The following AGBL4 variants were observed in gnomAD, a reference collection of about 807,000 sequenced individuals.
AGBL4 encodes AGBL carboxypeptidase 4.
In AGBL4, 58 loss-of-function variants were observed where a neutral mutation model predicts 66.4. The observed-to-expected ratio is 0.87, with a 90% CI of 0.71 to 1.09. AGBL4 has a LOEUF of 1.09. Ranked by LOEUF, AGBL4 falls within the 50% of genes least tolerant of loss-of-function variation. AGBL4 has a pLI of 0.00. For synonymous variants in AGBL4, 234 were observed against 222.9 expected (o/e 1.05, Z -0.44); for missense variants, 579 against 631.0 (o/e 0.92, Z 0.88).
At chr1:49,890,583 C>G (rs1036608293) in intron 1 of AGBL4, among the ~76,000 whole-genome samples, 2 of 152,078 alleles carry the variant, frequency 1.3e-5, no homozygotes, top group Non-Finnish European at 2.9e-5. Context: ...CCACCAAATC[C>G]CACTTCCTCT....
chr1:48,562,478 C>T (rs1001020944), intron 11 of AGBL4, among the ~76,000 whole-genome samples: 49 of 152,150 alleles, frequency 3.2e-4, no homozygotes, highest in Non-Finnish European at 4.0e-4. Flanking sequence ...GAAGGTCTTC[C>T]TAGATTCCCC....
At chr1:48,532,614 A>T (rs1166231755), downstream of AGBL4, among the ~76,000 whole-genome samples, 1 of 152,170 alleles carries the variant, frequency 6.6e-6, no homozygotes, top group African/African-American at 2.4e-5. Context: ...TGATGCTATC[A>T]TTTCCAAAAG....
At chr1:49,070,883 T>A (rs1644589769) in intron 4 of AGBL4, among the ~76,000 whole-genome samples, 1 of 151,982 alleles carries the variant, frequency 6.6e-6, no homozygotes. Context: ...TGGACTTTTT[T>A]TGGTTGGTAG....
chr1:49,343,347 TG>T (rs1372953074), intron 3 of AGBL4, among the ~76,000 whole-genome samples: 7 of 152,172 alleles, frequency 4.6e-5, no homozygotes, highest in Non-Finnish European at 1.0e-4. Flanking sequence ...GCATTGCATT[TG>T]GGGGGTATCA....
intron 2 of AGBL4, chr1:49,846,183 T>A: frequency 1.4e-6 from 2 of 1,460,876 alleles, no homozygotes; most frequent in Non-Finnish European, 1.9e-6. Context: ...GGGAAATCCT[T>A]CAACCACAGC....
chr1:49,289,330 A>G (rs1644490582), intron 3 of AGBL4, among the ~76,000 whole-genome samples: 1 of 152,256 alleles, frequency 6.6e-6, no homozygotes, highest in African/African-American at 2.4e-5. Context: ...ATGAAAATAA[A>G]TGAATTACAT....
intron 3 of AGBL4, among the ~76,000 whole-genome samples, chr1:49,372,641 T>TTCTC (rs1644381196): frequency 7.2e-6 from 1 of 138,578 alleles, no homozygotes; most frequent in Admixed American, 7.1e-5. Flanking sequence ...CTTTCTTTCT[T>TTCTC]TCTTTCTTTC....
At chr1:48,983,695 T>A (rs1372120259) in intron 5 of AGBL4, among the ~76,000 whole-genome samples, 1 of 152,198 alleles carries the variant, frequency 6.6e-6, no homozygotes, top group Non-Finnish European at 1.5e-5. Context: ...CTGGTCATGG[T>A]TCAGCCACTT....
chr1:48,683,384 T>A (rs1018332268), intron 6 of AGBL4, among the ~76,000 whole-genome samples: 1 of 152,330 alleles, frequency 6.6e-6, no homozygotes, highest in South Asian at 2.1e-4. Context: ...GACCTTGGCA[T>A]TGGCCTTCCT....
chr1:49,307,395 T>C (rs1398395784), intron 3 of AGBL4, among the ~76,000 whole-genome samples: 5 of 152,172 alleles, frequency 3.3e-5, no homozygotes, highest in African/African-American at 1.2e-4. Flanking sequence ...GGAAGAGATC[T>C]GGGCCAGAAT....
intron 3 of AGBL4, among the ~76,000 whole-genome samples, chr1:49,457,076 C>G (rs536267862): frequency 6.6e-6 from 1 of 151,862 alleles, no homozygotes; most frequent in East Asian, 1.9e-4. Flanking sequence ...TTCTCTTCCT[C>G]TGGGTAGATA....
chr1:49,959,307 C>A (rs1488343414), intron 1 of AGBL4, among the ~76,000 whole-genome samples: 2 of 151,922 alleles, frequency 1.3e-5, no homozygotes, highest in African/African-American at 4.8e-5. Flanking sequence ...TTGATCAGCA[C>A]CTGGCAAGGA....
At chr1:48,630,775 A>G (rs1383877688) in intron 9 of AGBL4, among the ~76,000 whole-genome samples, 2 of 152,314 alleles carry the variant, frequency 1.3e-5, no homozygotes, top group East Asian at 3.9e-4. Context: ...TCCCTGTGTC[A>G]TAACAACCTC....
intron 1 of AGBL4, among the ~76,000 whole-genome samples, chr1:49,986,324 T>C (rs560840482): frequency 2.8e-4 from 43 of 152,208 alleles, no homozygotes; most frequent in African/African-American, 1.0e-3. Flanking sequence ...CGAAATAATA[T>C]GATACATATT....
intron 6 of AGBL4, chr1:48,776,597 C>G (rs1419927802): frequency 7.0e-6 from 10 of 1,426,812 alleles, no homozygotes; most frequent in Non-Finnish European, 9.1e-6. Flanking sequence ...TCCCCGCCCG[C>G]TTGCTCACCT....
chr1:49,037,696 C>T (rs183339399), intron 5 of AGBL4, among the ~76,000 whole-genome samples: 21 of 152,178 alleles, frequency 1.4e-4, no homozygotes, highest in Admixed American at 1.4e-3. Flanking sequence ...CCCTTCTCTG[C>T]CCACTACTTG....
intron 1 of AGBL4, among the ~76,000 whole-genome samples, chr1:49,998,483 T>C (rs918269952): frequency 2.0e-5 from 3 of 152,074 alleles, no homozygotes; most frequent in African/African-American, 7.2e-5. Flanking sequence ...ACAAAACAGA[T>C]TCACAGCTGA....
At chr1:49,700,402 T>G (rs1188281695) in intron 2 of AGBL4, among the ~76,000 whole-genome samples, 1 of 151,830 alleles carries the variant, frequency 6.6e-6, no homozygotes, top group Non-Finnish European at 1.5e-5. Flanking sequence ...TAGATTAATC[T>G]AGAATCAAAA....
At chr1:48,905,225 A>T (rs540309696) in intron 5 of AGBL4, among the ~76,000 whole-genome samples, 1 of 152,316 alleles carries the variant, frequency 6.6e-6, no homozygotes, top group South Asian at 2.1e-4. Flanking sequence ...CCTCTATGAA[A>T]GACACTTACA....
Sources: allele counts gnomAD v4.1 joint callset (sites outside exome capture counted in the v4.1 genomes callset), GRCh38; gene constraint gnomAD v4.1.1; transcripts MANE v1.5; gene names NCBI Gene and HGNC (gene_info 2026-07-23, HGNC 2026-07-21).